The following BRIP1 variants were observed in gnomAD, a reference collection of about 807,000 sequenced individuals.
The protein encoded by BRIP1 is Fanconi anemia group J protein.
BRIP1 carries 88 observed loss-of-function variants against 119.7 expected under a neutral mutation model. The observed-to-expected ratio is 0.74, with a 90% CI of 0.62 to 0.88. The LOEUF (loss-of-function observed/expected upper bound fraction) is 0.88, where lower values mean the gene tolerates loss of function less well. BRIP1 is among the 40% of genes least tolerant of loss of function. The probability of loss-of-function intolerance (pLI) is 0.00; values close to 1 mark genes in which losing one functional copy is unlikely to be tolerated. For synonymous variants in BRIP1, 443 were observed against 496.5 expected (o/e 0.89, Z 1.43); for missense variants, 1,259 against 1,455.4 (o/e 0.87, Z 2.20).
In BRIP1 at chr17:61,726,544, A is replaced by G. The variant is rs955695114; in HGVS notation, c.2380-10481T>C. On this transcript the variant is annotated intron_variant, in intron 16 of 19. Coordinates refer to ENST00000259008, the MANE Select transcript of BRIP1 (RefSeq NM_032043.3). This position sits in a 1 kb window ranked among gnomAD's most constrained non-coding sequence, Gnocchi z 6.2. ...GAAAGAGCTCTGACTACATTATTCA[A>G]TGTTTGGCACATAACTTTAGGTGAC... is the stretch of plus-strand genomic sequence containing the variant. Among the ~76,000 whole-genome samples the G allele has an allele frequency of 5.3e-5, 8 of 152,162 alleles. No individual in the cohort carries two copies. Among genetic ancestry groups the G allele is most frequent in the African/African-American group, 1.7e-4 (7 of 41,428 alleles).
At position 61,744,674 on chromosome 17, in the gene BRIP1, C is replaced by T. The variant is rs201019613; in HGVS notation, c.2098-83G>A. On this transcript the variant is annotated intron_variant, in intron 14 of 19. Coordinates refer to ENST00000259008, the MANE Select transcript of BRIP1 (RefSeq NM_032043.3). The surrounding 1 kb of genome is among the most constrained non-coding windows in gnomAD (Gnocchi z 5.0). Reference sequence around the variant, plus strand: ...TCATTTGTTTAAGCCAATGTGACTACGGCAAGTATATTAATCTCTCTGTGT... The same window carrying T: ...TCATTTGTTTAAGCCAATGTGACTATGGCAAGTATATTAATCTCTCTGTGT... The T allele has an allele frequency of 1.6e-5, 19 of 1,178,374 alleles. No homozygotes were observed. The East Asian group carries it at 2.1e-4, about 13-fold the overall frequency. 73.0% of individuals were successfully genotyped at this position (1,178,374 alleles called of 1,614,324 possible).
Position 61,720,490 on chromosome 17 carries a change from A to G in BRIP1, c.2380-4427T>C, listed in dbSNP as rs576469717. On this transcript the variant is annotated intron_variant, in intron 16 of 19. Coordinates refer to ENST00000259008, the MANE Select transcript of BRIP1 (RefSeq NM_032043.3). This position sits in a 1 kb window ranked among gnomAD's most constrained non-coding sequence, Gnocchi z 4.3. Reference sequence around the variant, plus strand: ...TATACAGCAGTTCCCTCTTATCTGCAGTGGTTTAAGTTAACTGCGGTCAAC... The same window carrying G: ...TATACAGCAGTTCCCTCTTATCTGCGGTGGTTTAAGTTAACTGCGGTCAAC... Among the ~76,000 whole-genome samples the G allele has an allele frequency of 1.1e-4, 17 of 152,366 alleles. No homozygotes were observed. In the South Asian group the frequency reaches 3.5e-3, roughly 32 times the overall value.
chr17:61,766,494 C>T (rs1027356240), intron 14 of BRIP1, among the ~76,000 whole-genome samples: 3 of 152,090 alleles, frequency 2.0e-5, no homozygotes, highest in African/African-American at 7.2e-5. Flanking sequence ...AAATTTCAGC[C>T]TTCTACACGA....
chr17:61,720,756 C>T lies in BRIP1; in HGVS notation c.2380-4693G>A, dbSNP rs997779411. ...TATTGCAGTGCTTAGGTTCAAGTGA[C>T]CTCTATTTTACTTAATAATACTTTA... is the stretch of plus-strand genomic sequence containing the variant. On this transcript the variant is annotated intron_variant, in intron 16 of 19. Coordinates refer to ENST00000259008, the MANE Select transcript of BRIP1 (RefSeq NM_032043.3). This position sits in a 1 kb window ranked among gnomAD's most constrained non-coding sequence, Gnocchi z 4.3. 1.3e-4 allele frequency among the ~76,000 whole-genome samples: 20 copies of T among 152,136 alleles called. No homozygotes were observed. Among genetic ancestry groups the T allele is most frequent in the Non-Finnish European group, 1.9e-4 (13 of 68,032 alleles).
In BRIP1 at chr17:61,742,135, C is replaced by T. The variant is rs1032682070; in HGVS notation, c.2379+878G>A. On this transcript the variant is annotated intron_variant, in intron 16 of 19. Transcript: ENST00000259008. The surrounding 1 kb of genome is among the most constrained non-coding windows in gnomAD (Gnocchi z 4.7). Reference sequence around the variant, plus strand: ...TTTAAGTTATGGAGATAGCTTCTTTCCTTAAACCTCATGAAACAACCTCTG... The same window carrying T: ...TTTAAGTTATGGAGATAGCTTCTTTTCTTAAACCTCATGAAACAACCTCTG... Among the ~76,000 whole-genome samples the T allele has an allele frequency of 6.6e-6, 1 of 152,212 alleles. No individual in the cohort carries two copies.
At position 61,689,340 on chromosome 17, in the gene BRIP1, T is replaced by C. The variant is rs1448314366; in HGVS notation, c.2576-3175A>G. ...AATCAGGAAATTTGAAGGCAAGTCG[T>C]TTGAAATCATCCAGTCAGGGAAGCA... is the stretch of plus-strand genomic sequence containing the variant. On this transcript the variant is annotated intron_variant, in intron 18 of 19. Transcript: ENST00000259008. This position sits in a 1 kb window ranked among gnomAD's most constrained non-coding sequence, Gnocchi z 4.5. Among the ~76,000 whole-genome samples, 3 of 151,860 alleles carry C rather than the reference T, an allele frequency of 2.0e-5. No individual in the cohort carries two copies. The East Asian group carries it at 5.8e-4, about 29-fold the overall frequency.
At position 61,796,128 on chromosome 17, in the gene BRIP1, G is replaced by C. The variant is rs1011035064; in HGVS notation, c.1341-2399C>G. 1.3e-5 allele frequency among the ~76,000 whole-genome samples: 2 copies of C among 151,950 alleles called. No individual in the cohort carries two copies. Among genetic ancestry groups the C allele is most frequent in the Non-Finnish European group, 2.9e-5 (2 of 67,930 alleles). Reference sequence around the variant, plus strand: ...TAGATTTTTTCCTACAGAGTTGTTTGAGCTCCTTATATATTCTGGTTATTA... The same window carrying C: ...TAGATTTTTTCCTACAGAGTTGTTTCAGCTCCTTATATATTCTGGTTATTA... On this transcript the variant is annotated intron_variant, in intron 9 of 19. Transcript: ENST00000259008. This position sits in a 1 kb window ranked among gnomAD's most constrained non-coding sequence, Gnocchi z 4.8.
chr17:61,763,100 CTTCTACT>C lies in BRIP1; in HGVS notation c.2097+13294_2097+13300del, dbSNP rs375943190. Among the ~76,000 whole-genome samples the C allele has an allele frequency of 8.1e-4, 123 of 152,234 alleles. 1 individual carries two copies. The highest frequency in any genetic ancestry group is 2.7e-3 in the African/African-American group (112 of 41,546). ...GTTACCAGAGTCTGGGGCAACCACC[CTTCTACT>C]TTCTATCTCTGAATTTGACTACTCT... On this transcript the variant is annotated intron_variant, in intron 14 of 19. Transcript: ENST00000259008.
intron 17 of BRIP1, among the ~76,000 whole-genome samples, chr17:61,714,969 G>A (rs1006059231): frequency 2.0e-5 from 3 of 151,750 alleles, no homozygotes; most frequent in Non-Finnish European, 2.9e-5. Flanking sequence ...GGAAGCTGAC[G>A]TGAGTGGATC....
At position 61,693,500 on chromosome 17, in the gene BRIP1, G is replaced by A. The variant is rs775547651; in HGVS notation, c.2505C>T (p.His835=). The change falls in exon 18 of 20, where the codon CAC becomes CAT. Residue 835 remains histidine, a synonymous_variant. Transcript: ENST00000259008. This position sits in a 1 kb window ranked among gnomAD's most constrained non-coding sequence, Gnocchi z 4.2. ...GAATAAGAGCTCCCCAATCATTTCT[G>A]TGTCTAATACATCTAGAAAAAATAG... ...LNQALGRCIR[H]RNDWGALILV... The A allele has an allele frequency of 7.4e-6, 12 of 1,612,250 alleles. No homozygotes were observed. The highest frequency in any genetic ancestry group is 9.3e-6 in the Non-Finnish European group (11 of 1,178,540).
In BRIP1 at chr17:61,799,241, T is replaced by TGAA; in HGVS notation, c.1198_1199insTTC (p.Asp400delinsValHis). ...GTAACTTGCTGATTCCCGAGCACAG[T>TGAA]CCTCGATGTTATGAGCTTCATCTAA... is the stretch of plus-strand genomic sequence containing the variant. On this transcript the variant is annotated protein_altering_variant, in exon 9 of 20. Transcript: ENST00000259008. The surrounding 1 kb of genome is among the most constrained non-coding windows in gnomAD (Gnocchi z 5.1). 3.1e-6 allele frequency: 5 copies of TGAA among 1,613,656 alleles called. No homozygotes were observed. The highest frequency in any genetic ancestry group is 4.2e-6 in the Non-Finnish European group (5 of 1,179,672).
At chr17:61,829,928 C>CTTTTTTTTTTTT (rs59921365) in intron 6 of BRIP1, among the ~76,000 whole-genome samples, 2 of 147,474 alleles carry the variant, frequency 1.4e-5, no homozygotes, top group African/African-American at 2.5e-5. Context: ...AAGTTTCAAT[C>CTTTTTTTTTTTT]TTTTTTTTTT....
Position 61,746,247 on chromosome 17 carries a change from TTA to T in BRIP1, c.2098-1658_2098-1657del, listed in dbSNP as rs2077056141. ...TTCCATAAACACAGCTAAGAAGTTA[TTA>T]TATTACTTTTTATTCTCCAGAAAGA... On this transcript the variant is annotated intron_variant, in intron 14 of 19. Coordinates refer to ENST00000259008, the MANE Select transcript of BRIP1 (RefSeq NM_032043.3). This position sits in a 1 kb window ranked among gnomAD's most constrained non-coding sequence, Gnocchi z 4.9. 6.6e-6 allele frequency among the ~76,000 whole-genome samples: 1 copy of T among 152,174 alleles called. No homozygotes were observed. Among genetic ancestry groups the T allele is most frequent in the South Asian group, 2.1e-4 (1 of 4,824 alleles).
In BRIP1 at chr17:61,739,785, C is replaced by T. The variant is rs2076963301; in HGVS notation, c.2379+3228G>A. The stretch of plus-strand genomic sequence containing the variant: ...CAGTGGTCAGAAAATCTCAAATTTT[C>T]TCAGATTGCCAGCACTTTCAAATGC... On this transcript the variant is annotated intron_variant, in intron 16 of 19. Transcript: ENST00000259008. This position sits in a 1 kb window ranked among gnomAD's most constrained non-coding sequence, Gnocchi z 6.0. Among the ~76,000 whole-genome samples the T allele has an allele frequency of 6.6e-6, 1 of 152,084 alleles. No individual in the cohort carries two copies. The highest frequency in any genetic ancestry group is 2.4e-5 in the African/African-American group (1 of 41,416).
Position 61,834,191 on chromosome 17 carries a change from G to A in BRIP1, c.627+12910C>T, listed in dbSNP as rs574465426. Reference sequence around the variant, plus strand: ...ATTTTACTATGACCGTGATATATTAGGTGAAAAATAAAAGCTATATACTAT... The same window carrying A: ...ATTTTACTATGACCGTGATATATTAAGTGAAAAATAAAAGCTATATACTAT... On this transcript the variant is annotated intron_variant, in intron 6 of 19. Coordinates refer to ENST00000259008, the MANE Select transcript of BRIP1 (RefSeq NM_032043.3). The surrounding 1 kb of genome is among the most constrained non-coding windows in gnomAD (Gnocchi z 4.4). 2.0e-5 allele frequency among the ~76,000 whole-genome samples: 3 copies of A among 152,158 alleles called. No individual in the cohort carries two copies. Among genetic ancestry groups the A allele is most frequent in the Non-Finnish European group, 4.4e-5 (3 of 68,008 alleles).
rs2061454370 is a variant in BRIP1 at position 61,692,000 on chromosome 17, T to C, written c.2575+1430A>G. Reference sequence around the variant, plus strand: ...TCAACAGGGTGTCATTGGGGATTGATATGCTTTGGTTATTTGTTTCCTCCA... The same window carrying C: ...TCAACAGGGTGTCATTGGGGATTGACATGCTTTGGTTATTTGTTTCCTCCA... On this transcript the variant is annotated intron_variant, in intron 18 of 19. Coordinates refer to ENST00000259008, the MANE Select transcript of BRIP1 (RefSeq NM_032043.3). This position sits in a 1 kb window ranked among gnomAD's most constrained non-coding sequence, Gnocchi z 5.0. 6.6e-6 allele frequency among the ~76,000 whole-genome samples: 1 copy of C among 151,968 alleles called. No homozygotes were observed. Among genetic ancestry groups the C allele is most frequent in the African/African-American group, 2.4e-5 (1 of 41,440 alleles).
In BRIP1 at chr17:61,681,976, TA is replaced by T. The variant is rs988797193; in HGVS notation, c.*1319del. 1.0e-5 allele frequency: 2 copies of T among 200,662 alleles called. No homozygotes were observed. Among genetic ancestry groups the T allele is most frequent in the African/African-American group, 4.6e-5 (2 of 43,698 alleles). 12.4% of individuals were successfully genotyped at this position (200,662 alleles called of 1,614,324 possible). Reference sequence around the variant, plus strand: ...ACAAAAAGTCCCAATGCCCAGTGAATAACAGATGTTTCTTAAAAAGAGATCA... The same window carrying T: ...ACAAAAAGTCCCAATGCCCAGTGAATACAGATGTTTCTTAAAAAGAGATCA... On this transcript the variant is annotated 3_prime_UTR_variant, in exon 20 of 20. Transcript: ENST00000259008. The surrounding 1 kb of genome is among the most constrained non-coding windows in gnomAD (Gnocchi z 5.1).
At chr17:61,847,320 A>C (rs567854046) in intron 5 of BRIP1, 100 bp from the exon 6 acceptor site, 6 of 1,340,148 alleles carry the variant, frequency 4.5e-6, no homozygotes, top group Non-Finnish European at 6.3e-6. Context: ...TTTTTCCTGC[A>C]TCCAAAAAAA....
intron 6 of BRIP1, among the ~76,000 whole-genome samples, chr17:61,835,431 T>C (rs1458405540): frequency 6.6e-6 from 1 of 151,958 alleles, no homozygotes; most frequent in Non-Finnish European, 1.5e-5. Context: ...AAATACCAAA[T>C]GCTGGCAGGC....
Sources: allele counts gnomAD v4.1 joint callset (sites outside exome capture counted in the v4.1 genomes callset), GRCh38; gene constraint gnomAD v4.1.1; non-coding constraint Gnocchi (gnomAD v3.1); transcripts MANE v1.5; gene names NCBI Gene and HGNC (gene_info 2026-07-23, HGNC 2026-07-21).